The following COL24A1 variants were observed in gnomAD, a reference collection of about 807,000 sequenced individuals.
The protein encoded by COL24A1 is collagen type XXIV alpha 1 chain.
COL24A1 carries 224 observed loss-of-function variants against 253.9 expected under a neutral mutation model. The ratio of observed to expected loss-of-function variants is 0.88; its 90% CI spans 0.79 to 0.99. The LOEUF is 0.99. COL24A1 is among the 50% of genes least tolerant of loss of function. COL24A1 has a pLI of 0.00. For synonymous variants in COL24A1, 685 were observed against 673.7 expected, an observed-to-expected ratio of 1.02 and a Z score of -0.26; for missense variants, 2,131 against 2,068.5, an observed-to-expected ratio of 1.03 and a Z score of -0.59.
chr1:85,775,681 C>T lies in COL24A1; in HGVS notation c.4367G>A (p.Gly1456Asp), dbSNP rs1415198766. Residue 1456 changes from glycine to aspartate, a missense_variant, in exon 53 of 60, where the codon GGT becomes GAT. By Grantham distance (94) the Gly-to-Asp change is moderately conservative. Transcript: ENST00000370571. The part of the protein sequence containing the change: ...TGPRGEKGFR[G>D]ETGPQGPRGQ... ...AAATTTAGTTAAACTTACAGTTTCA[C>T]CTCTAAAGCCCTTTTCACCTCTGGG... 1 of 1,606,826 alleles carries T rather than the reference C, an allele frequency of 6.2e-7. No individual in the cohort carries two copies. The highest frequency in any genetic ancestry group is 1.3e-5 in the African/African-American group (1 of 74,378).
At chr1:85,965,653 A>C (rs1386367653) in intron 22 of COL24A1, among the ~76,000 whole-genome samples, 4 of 152,066 alleles carry the variant, frequency 2.6e-5, no homozygotes, top group African/African-American at 9.7e-5. Context: ...TTGACCCCTC[A>C]ACCAACTTCC....
intron 52 of COL24A1, among the ~76,000 whole-genome samples, chr1:85,778,218 C>T (rs1668789276): frequency 6.6e-6 from 1 of 152,004 alleles, no homozygotes; most frequent in South Asian, 2.1e-4. Context: ...GTCTTCCCAC[C>T]TCAGCCTCTT....
At chr1:85,820,686 G>C (rs1673531590) in intron 45 of COL24A1, among the ~76,000 whole-genome samples, 1 of 152,190 alleles carries the variant, frequency 6.6e-6, no homozygotes, top group African/African-American at 2.4e-5. Context: ...TAGGATATTT[G>C]AGTGAATGGG....
intron 20 of COL24A1, among the ~76,000 whole-genome samples, chr1:85,972,270 A>G (rs1010703828): frequency 2.0e-5 from 3 of 152,132 alleles, no homozygotes; most frequent in African/African-American, 7.2e-5. Flanking sequence ...CCAAAGAGCA[A>G]ATCTACTCAG....
At chr1:86,059,010 T>A (rs535226229) in intron 9 of COL24A1, 111 bp downstream of exon 9, 127 of 619,994 alleles carry the variant, frequency 2.0e-4, no homozygotes, top group Non-Finnish European at 3.3e-4. Context: ...TCTCTATGAG[T>A]TATTCATTAT....
At chr1:85,757,329 T>C (rs532509548) in intron 55 of COL24A1, among the ~76,000 whole-genome samples, 45 of 152,284 alleles carry the variant, frequency 3.0e-4, no homozygotes, top group South Asian at 6.2e-4. Flanking sequence ...GATATGTATA[T>C]GGACAGGACA....
At chr1:85,809,235 A>T (rs1029284091) in intron 47 of COL24A1, among the ~76,000 whole-genome samples, 1 of 152,168 alleles carries the variant, frequency 6.6e-6, no homozygotes. Flanking sequence ...AATTAGAGAA[A>T]CTAAACCTAC....
At chr1:85,809,725 G>T (rs978311237) in intron 47 of COL24A1, among the ~76,000 whole-genome samples, 2 of 148,230 alleles carry the variant, frequency 1.3e-5, no homozygotes, top group African/African-American at 5.0e-5. Flanking sequence ...TAAGGTTGCT[G>T]TTTTTTTTGT....
At position 85,915,688 on chromosome 1, in the gene COL24A1, G is replaced by A. The variant is rs12567016; in HGVS notation, c.2563-4255C>T. ...TTTTGAGACAGAGTCTCGCTGTGTC[G>A]CCTGGGCTGGAGTGCAGTGGTATGA... On this transcript the variant is annotated intron_variant, in intron 24 of 59. Transcript: ENST00000370571. Among the ~76,000 whole-genome samples the A allele has an allele frequency of 4.1e-4, 62 of 152,146 alleles. 1 individual carries two copies. Among genetic ancestry groups the A allele is most frequent in the African/African-American group, 1.3e-3 (56 of 41,518 alleles).
intron 1 of COL24A1, among the ~76,000 whole-genome samples, chr1:86,148,845 A>T (rs1158810110): frequency 6.6e-6 from 1 of 152,152 alleles, no homozygotes; most frequent in African/African-American, 2.4e-5. Flanking sequence ...CATGATTTAT[A>T]GTCCTTTGGA....
chr1:85,905,083 T>G (rs1197337984), intron 28 of COL24A1, among the ~76,000 whole-genome samples: 1 of 152,138 alleles, frequency 6.6e-6, no homozygotes, highest in Non-Finnish European at 1.5e-5. Flanking sequence ...AGTTCCATAA[T>G]GAAAATTCTC....
chr1:85,836,884 G>A (rs1371514302), intron 43 of COL24A1, among the ~76,000 whole-genome samples: 3 of 152,190 alleles, frequency 2.0e-5, no homozygotes, highest in Non-Finnish European at 4.4e-5. Flanking sequence ...GAAAACGCCG[G>A]CAGGGCTTTT....
chr1:85,774,982 T>C (rs1668378409), intron 53 of COL24A1, among the ~76,000 whole-genome samples: 2 of 152,216 alleles, frequency 1.3e-5, no homozygotes, highest in South Asian at 4.1e-4. Flanking sequence ...ATCTTAGATC[T>C]TTCCTGCTTT....
chr1:86,032,679 A>G (rs1437088516), intron 13 of COL24A1, among the ~76,000 whole-genome samples: 1 of 152,150 alleles, frequency 6.6e-6, no homozygotes, highest in African/African-American at 2.4e-5. Context: ...CTGTTTGGAA[A>G]CAAAGGCAGA....
intron 1 of COL24A1, among the ~76,000 whole-genome samples, chr1:86,147,821 A>G (rs1652121380): frequency 6.6e-6 from 1 of 152,258 alleles, no homozygotes; most frequent in Non-Finnish European, 1.5e-5. Flanking sequence ...AATCACATAT[A>G]TCTAATTTTA....
chr1:85,803,978 T>C (rs1207715345), intron 47 of COL24A1, among the ~76,000 whole-genome samples: 1 of 152,162 alleles, frequency 6.6e-6, no homozygotes, highest in African/African-American at 2.4e-5. Context: ...GACATCAGAA[T>C]GTTTGCCTCA....
At chr1:86,103,611 A>T (rs533590291) in intron 5 of COL24A1, among the ~76,000 whole-genome samples, 3 of 152,272 alleles carry the variant, frequency 2.0e-5, no homozygotes, top group African/African-American at 7.2e-5. Context: ...GCTTGTCTGA[A>T]AAGGATCTTA....
At chr1:86,039,510 AC>A (rs917479824) in intron 12 of COL24A1, among the ~76,000 whole-genome samples, 1 of 152,184 alleles carries the variant, frequency 6.6e-6, no homozygotes, top group African/African-American at 2.4e-5. Flanking sequence ...TTTTTAAAAA[AC>A]AAAAGCAATA....
chr1:85,800,795 TG>T (rs1395123666), intron 47 of COL24A1, among the ~76,000 whole-genome samples: 1 of 152,140 alleles, frequency 6.6e-6, no homozygotes, highest in Non-Finnish European at 1.5e-5. Context: ...TATAACTAAT[TG>T]ATCAGGCCTA....
Sources: gnomAD v4.1 joint callset for allele counts (sites outside exome capture counted in the v4.1 genomes callset) on GRCh38, gnomAD v4.1.1 for gene constraint, MANE v1.5 for transcripts, NCBI Gene and HGNC (gene_info 2026-07-23, HGNC 2026-07-21) for gene names.